RASA1: variants seen among roughly 807,000 people sequenced by gnomAD.
RASA1 encodes the protein RAS p21 protein activator 1.
Under a neutral mutation model 132.2 loss-of-function variants are expected in RASA1, and 25 were observed. That is an observed-to-expected ratio of 0.19 (90% confidence interval 0.14 to 0.26). RASA1 has a LOEUF of 0.26. Among genes scored for constraint, RASA1 ranks in the 10% least tolerant of loss-of-function variants. RASA1 has a pLI of 1.00. For missense variants in RASA1, 964 were observed against 1,299.2 expected, an observed-to-expected ratio of 0.74 and a Z score of 3.97; for synonymous variants, 477 against 449.9, an observed-to-expected ratio of 1.06 and a Z score of -0.76.
Position 87,278,204 on chromosome 5 carries a change from A to G in RASA1, c.539+9214A>G, listed in dbSNP as rs538270902. Among the ~76,000 whole-genome samples, 205 of 152,014 alleles carry G rather than the reference A, an allele frequency of 1.3e-3. 1 individual carries two copies. Among genetic ancestry groups the G allele is most frequent in the Non-Finnish European group, 1.8e-3 (124 of 68,002 alleles). ...ATGTTGATTCATTTCTCTAATTTTT[A>G]AATCTTTTTATTTTGAGGTAATTGT... is the stretch of plus-strand genomic sequence containing the variant. On this transcript the variant is annotated intron_variant, in intron 1 of 24. Transcript: ENST00000274376.
At chr5:87,363,609 A>G (rs1760278337) in intron 11 of RASA1, 105 bp downstream of exon 11, 2 of 1,287,580 alleles carry the variant, frequency 1.6e-6, no homozygotes, top group Admixed American at 1.8e-5. Flanking sequence ...TTCTAAAAGT[A>G]GCAGATGCAC....
At chr5:87,344,418 C>G (rs1758696045) in intron 6 of RASA1, among the ~76,000 whole-genome samples, 1 of 152,076 alleles carries the variant, frequency 6.6e-6, no homozygotes, top group Non-Finnish European at 1.5e-5. Context: ...AAAAAATGAT[C>G]TGTTATCTGG....
At chr5:87,361,341 A>G (rs1028499329) in intron 9 of RASA1, among the ~76,000 whole-genome samples, 11 of 152,190 alleles carry the variant, frequency 7.2e-5, no homozygotes, top group Admixed American at 1.3e-4. Context: ...TGTAGCATTA[A>G]CTTGGGAATA....
chr5:87,269,129 G>A, intron 1 of RASA1, 139 bp downstream of exon 1: 1 of 1,613,440 alleles, frequency 6.2e-7, no homozygotes, highest in Non-Finnish European at 8.5e-7. Flanking sequence ...TCTTGGGTAG[G>A]AATTTAATCT....
At chr5:87,298,955 A>T (rs956505690) in intron 1 of RASA1, among the ~76,000 whole-genome samples, 5 of 152,174 alleles carry the variant, frequency 3.3e-5, no homozygotes, top group African/African-American at 4.8e-5. Context: ...TAATTTGAGA[A>T]CTTCTGCATT....
At chr5:87,362,892 TTC>T in intron 10 of RASA1, among the ~76,000 whole-genome samples, 1 of 150,742 alleles carries the variant, frequency 6.6e-6, no homozygotes, top group South Asian at 2.1e-4. Flanking sequence ...GTTTCTTTTT[TTC>T]TTTCTTTCTT....
At chr5:87,306,859 G>A (rs1012450322) in intron 1 of RASA1, among the ~76,000 whole-genome samples, 3 of 151,598 alleles carry the variant, frequency 2.0e-5, no homozygotes, top group Non-Finnish European at 2.9e-5. Context: ...CGTACCCTCC[G>A]CCACCTCCCC....
At chr5:87,354,962 G>A (rs1164174426) in intron 9 of RASA1, among the ~76,000 whole-genome samples, 2 of 152,130 alleles carry the variant, frequency 1.3e-5, no homozygotes, top group Non-Finnish European at 2.9e-5. Flanking sequence ...CTTCTATTCT[G>A]TGAAGGCTGA....
At chr5:87,335,798 T>C (rs1369985410) in intron 4 of RASA1, among the ~76,000 whole-genome samples, 1 of 152,202 alleles carries the variant, frequency 6.6e-6, no homozygotes, top group Non-Finnish European at 1.5e-5. Flanking sequence ...GAACTAATAT[T>C]TTCTAAAAGG....
At chr5:87,343,477 A>C (rs1758626277) in intron 6 of RASA1, among the ~76,000 whole-genome samples, 1 of 152,186 alleles carries the variant, frequency 6.6e-6, no homozygotes, top group African/African-American at 2.4e-5. Flanking sequence ...CTCACCATTC[A>C]TTACTAATCA....
chr5:87,363,251 AATTG>A lies in RASA1; in HGVS notation c.1454-89_1454-86del, dbSNP rs72396167. ...CATATTACATAAGCTTTGGAATAAA[AATTG>A]ATTGATTCATATTTTTAGAAACACT... On this transcript the variant is annotated intron_variant, in intron 10 of 24. Coordinates refer to ENST00000274376, the MANE Select transcript of RASA1 (RefSeq NM_002890.3). The A allele has an allele frequency of 1.7e-3, 1,949 of 1,146,554 alleles. 28 individuals are homozygous for A. The African/African-American group carries it at 0.026, about 15-fold the overall frequency. The allele number at this position is 1,146,554 out of a possible 1,614,324, so 71.0% of individuals were successfully genotyped here.
chr5:87,329,034 G>C (rs1163351428), intron 1 of RASA1, among the ~76,000 whole-genome samples: 2 of 152,108 alleles, frequency 1.3e-5, no homozygotes, highest in East Asian at 3.8e-4. Flanking sequence ...TGAAGCTTAC[G>C]ACCTTTTGAC....
intron 1 of RASA1, among the ~76,000 whole-genome samples, chr5:87,290,250 G>A (rs1302141914): frequency 6.6e-6 from 1 of 152,200 alleles, no homozygotes; most frequent in African/African-American, 2.4e-5. Flanking sequence ...TAAAGGTGGT[G>A]TATAAGGGAC....
intron 1 of RASA1, among the ~76,000 whole-genome samples, chr5:87,314,283 T>C (rs1756149238): frequency 6.6e-6 from 1 of 152,254 alleles, no homozygotes; most frequent in African/African-American, 2.4e-5. Context: ...GATTACTGAA[T>C]GCTGTACCAG....
chr5:87,390,615 C>A (rs1465484368), intron 24 of RASA1, among the ~76,000 whole-genome samples, 185 bp from the exon 25 acceptor site: 2 of 152,114 alleles, frequency 1.3e-5, no homozygotes, highest in Admixed American at 6.6e-5. Flanking sequence ...TATAAAAATT[C>A]TCTTAGTTAT....
chr5:87,368,978 A>C (rs921520293), intron 11 of RASA1, among the ~76,000 whole-genome samples: 2 of 152,128 alleles, frequency 1.3e-5, no homozygotes, highest in Non-Finnish European at 2.9e-5. Flanking sequence ...TCCAATTCCT[A>C]TTTTCCATGA....
chr5:87,345,663 C>T (rs570625716), intron 6 of RASA1, among the ~76,000 whole-genome samples: 1 of 152,188 alleles, frequency 6.6e-6, no homozygotes, highest in African/African-American at 2.4e-5. Context: ...TTTAAAAATT[C>T]AGTTATATTT....
At chr5:87,335,021 T>C (rs1384112535) in intron 4 of RASA1, among the ~76,000 whole-genome samples, 1 of 152,138 alleles carries the variant, frequency 6.6e-6, no homozygotes, top group African/African-American at 2.4e-5. Context: ...CAGCTGGAAT[T>C]ACAGGCGTGT....
intron 10 of RASA1, 121 bp from the exon 11 acceptor site, chr5:87,363,227 A>G (rs1231759862): frequency 1.3e-5 from 12 of 906,618 alleles, no homozygotes; most frequent in Middle Eastern, 3.4e-4. Context: ...AAGAATTGGC[A>G]TATTACATAA....
Sources: allele counts gnomAD v4.1 joint callset (sites outside exome capture counted in the v4.1 genomes callset), GRCh38; gene constraint gnomAD v4.1.1; transcripts MANE v1.5; gene names NCBI Gene and HGNC (gene_info 2026-07-23, HGNC 2026-07-21).